The following ITGBL1 variants were observed in gnomAD, a reference collection of about 807,000 sequenced individuals.
ITGBL1 encodes integrin subunit beta like 1.
In ITGBL1, 51 loss-of-function variants were observed where a neutral mutation model predicts 68.5. The observed-to-expected ratio is 0.74, with a 90% CI of 0.59 to 0.94. The LOEUF (loss-of-function observed/expected upper bound fraction) is 0.94. ITGBL1 is among the 40% of genes least tolerant of loss of function. ITGBL1 has a pLI of 0.00. For missense variants in ITGBL1, 649 were observed against 647.4 expected (o/e 1.00, Z -0.03); for synonymous variants, 209 against 227.3 (o/e 0.92, Z 0.72).
At chr13:101,571,193 A>G (rs767293297) in intron 3 of ITGBL1, among the ~76,000 whole-genome samples, 10 of 152,010 alleles carry the variant, frequency 6.6e-5, no homozygotes, top group Non-Finnish European at 1.2e-4. Context: ...CAACATATTT[A>G]CTTATTTGCT....
chr13:101,622,915 ATGTGTGTG>A (rs59267168), intron 7 of ITGBL1, among the ~76,000 whole-genome samples: 3 of 148,402 alleles, frequency 2.0e-5, no homozygotes, highest in African/African-American at 7.5e-5. Flanking sequence ...TGGGGTATGT[ATGTGTGTG>A]TGTGTGTGTG....
At chr13:101,605,825 T>C (rs946003926) in intron 7 of ITGBL1, among the ~76,000 whole-genome samples, 2 of 151,036 alleles carry the variant, frequency 1.3e-5, no homozygotes, top group African/African-American at 2.4e-5. Flanking sequence ...TATGTGCATA[T>C]GTGTATATAT....
At chr13:101,562,062 G>A (rs1463033391) in intron 2 of ITGBL1, among the ~76,000 whole-genome samples, 1 of 152,104 alleles carries the variant, frequency 6.6e-6, no homozygotes, top group Non-Finnish European at 1.5e-5. Context: ...GGAGGAAAGA[G>A]CTGGGAATTT....
chr13:101,532,182 T>C (rs2049495119), intron 2 of ITGBL1, among the ~76,000 whole-genome samples: 1 of 152,198 alleles, frequency 6.6e-6, no homozygotes, highest in African/African-American at 2.4e-5. Flanking sequence ...TTTAATCATA[T>C]GGTTGCTGTT....
intron 7 of ITGBL1, among the ~76,000 whole-genome samples, chr13:101,606,437 C>T (rs1390155147): frequency 2.6e-5 from 4 of 151,614 alleles, no homozygotes; most frequent in South Asian, 2.1e-4. Flanking sequence ...GTCCTAATTT[C>T]GGTTCCTGGG....
chr13:101,516,704 T>G (rs2049201469), intron 2 of ITGBL1, among the ~76,000 whole-genome samples: 1 of 152,196 alleles, frequency 6.6e-6, no homozygotes, highest in Non-Finnish European at 1.5e-5. Context: ...TAGATTTTAT[T>G]CAGGAACATC....
At position 101,604,887 on chromosome 13, in the gene ITGBL1, T is replaced by TATATATATATGTATATATATATATACAC; in HGVS notation, c.1015+6589_1015+6590insTATATATATGTATATATATATATACACA. 2.4e-3 allele frequency among the ~76,000 whole-genome samples: 54 copies of TATATATATATGTATATATATATATACAC among 22,166 alleles called. 2 individuals are homozygous for TATATATATATGTATATATATATATACAC. The highest frequency in any genetic ancestry group is 3.4e-3 in the Non-Finnish European group (41 of 12,234). The allele number at this position is 22,166 out of a possible 152,430, so 14.5% of individuals were successfully genotyped here. On this transcript the variant is annotated intron_variant, in intron 7 of 10. Coordinates refer to ENST00000376180, the MANE Select transcript of ITGBL1 (RefSeq NM_004791.3). ...ATATATATATATATATATATATATA[T>TATATATATATGTATATATATATATACAC]ACACACACACACACATATATATGTG...
At chr13:101,709,626 A>C (rs927149750) in intron 9 of ITGBL1, among the ~76,000 whole-genome samples, 2 of 152,188 alleles carry the variant, frequency 1.3e-5, no homozygotes, top group African/African-American at 4.8e-5. Flanking sequence ...CTGGGATAAG[A>C]ATAGAAGCTT....
chr13:101,698,228 C>G (rs7993828), intron 8 of ITGBL1, among the ~76,000 whole-genome samples: 37,863 of 151,952 alleles, frequency 0.25, 5,000 homozygotes, highest in Admixed American at 0.32. Flanking sequence ...GTACTTGACT[C>G]CAAAATCAGG....
chr13:101,649,549 T>C (rs9585744), intron 7 of ITGBL1, among the ~76,000 whole-genome samples: 3,327 of 152,256 alleles, frequency 0.022, 122 homozygotes, highest in African/African-American at 0.075. Context: ...CTGCGGATGA[T>C]ATTTCTCATG....
intron 2 of ITGBL1, among the ~76,000 whole-genome samples, chr13:101,478,403 T>C (rs777194349): frequency 6.6e-6 from 1 of 152,104 alleles, no homozygotes; most frequent in Non-Finnish European, 1.5e-5. Flanking sequence ...ACTGAAAGGC[T>C]TTCCTTGAAG....
intron 6 of ITGBL1, among the ~76,000 whole-genome samples, chr13:101,587,936 G>A (rs537278449): frequency 6.8e-6 from 1 of 147,256 alleles, no homozygotes; most frequent in African/African-American, 2.7e-5. Context: ...GTTAACAGAC[G>A]ATTCAAATTC....
At position 101,457,604 on chromosome 13, in the gene ITGBL1, A is replaced by G. The variant is rs546589482; in HGVS notation, c.316+3504A>G. 5.3e-5 allele frequency among the ~76,000 whole-genome samples: 8 copies of G among 152,232 alleles called. No individual in the cohort carries two copies. In the South Asian group the frequency reaches 6.2e-4, roughly 12 times the overall value. ...AGTGTTCCTATGGATGTGATGGTCT[A>G]TTAAGGGGTAAAATAATTTTGGTAG... is the stretch of plus-strand genomic sequence containing the variant. On this transcript the variant is annotated intron_variant, in intron 2 of 10. Coordinates refer to ENST00000376180, the MANE Select transcript of ITGBL1 (RefSeq NM_004791.3).
At chr13:101,709,371 CAAAAAAAAAAAAAAA>C (rs747662212) in intron 9 of ITGBL1, among the ~76,000 whole-genome samples, 5 of 61,198 alleles carry the variant, frequency 8.2e-5, no homozygotes, top group African/African-American at 3.9e-4. Context: ...GACTCCGTCT[CAAAAAAAAAAAAAAA>C]AAAAAAAAAA....
At chr13:101,629,830 A>G (rs1174363570) in intron 7 of ITGBL1, among the ~76,000 whole-genome samples, 2 of 151,864 alleles carry the variant, frequency 1.3e-5, no homozygotes, top group Non-Finnish European at 2.9e-5. Flanking sequence ...TTATTTATTC[A>G]TTTATTTTTT....
rs767166554 is a variant in ITGBL1 at position 101,692,682 on chromosome 13, C to T, written c.1113C>T (p.Leu371=). 2 of 1,612,548 alleles carry T rather than the reference C, an allele frequency of 1.2e-6. No individual in the cohort carries two copies. The highest frequency in any genetic ancestry group is 1.7e-6 in the Non-Finnish European group (2 of 1,178,688). The change falls in exon 8 of 11, where the codon CTC becomes CTT. Residue 371 remains leucine, a synonymous_variant. Transcript: ENST00000376180. ...CECDDRRCED[L]DGVVCGGHGT... ...GTGATGATCGCCGCTGTGAAGACCT[C>T]GATGGTGTGGTCTGTGGAGGTAGTA... is the stretch of plus-strand genomic sequence containing the variant.
intron 2 of ITGBL1, among the ~76,000 whole-genome samples, chr13:101,465,361 G>A (rs2048369842): frequency 6.6e-6 from 1 of 152,074 alleles, no homozygotes; most frequent in African/African-American, 2.4e-5. Context: ...GCTGTCCTCT[G>A]AAAGACATAG....
chr13:101,540,850 CTGTT>C (rs200606257), intron 2 of ITGBL1, among the ~76,000 whole-genome samples: 25,535 of 140,372 alleles, frequency 0.18, 2,550 homozygotes, highest in East Asian at 0.4. Flanking sequence ...ATTTGGCTCT[CTGTT>C]TGTCTGTTAT....
chr13:101,468,685 A>T (rs546221378), intron 2 of ITGBL1, among the ~76,000 whole-genome samples: 1 of 152,210 alleles, frequency 6.6e-6, no homozygotes, highest in Non-Finnish European at 1.5e-5. Context: ...GTAGATTTTG[A>T]TTCTTATTTT....
Sources: allele counts gnomAD v4.1 joint callset (sites outside exome capture counted in the v4.1 genomes callset), GRCh38; gene constraint gnomAD v4.1.1; transcripts MANE v1.5; gene names NCBI Gene and HGNC (gene_info 2026-07-23, HGNC 2026-07-21).